Variants in KIAA0825 observed in about 807,000 individuals in gnomAD.
KIAA0825 encodes the protein uncharacterized protein KIAA0825.
KIAA0825 carries 119 observed loss-of-function variants against 147.6 expected under a neutral mutation model. The ratio of observed to expected loss-of-function variants is 0.81; its 90% CI spans 0.69 to 0.94. KIAA0825 has a LOEUF of 0.94. Among genes scored for constraint, KIAA0825 ranks in the 40% least tolerant of loss-of-function variants. The probability of loss-of-function intolerance (pLI) is 0.00; values close to 1 mark genes in which losing one functional copy is unlikely to be tolerated. For synonymous variants in KIAA0825, 470 were observed against 518.1 expected, an observed-to-expected ratio of 0.91 and a Z score of 1.26; for missense variants, 1,381 against 1,472.7, an observed-to-expected ratio of 0.94 and a Z score of 1.02.
At chr5:94,426,763 C>T (rs556618816) in intron 14 of KIAA0825, among the ~76,000 whole-genome samples, 1 of 152,078 alleles carries the variant, frequency 6.6e-6, no homozygotes, top group East Asian at 1.9e-4. Flanking sequence ...TGATGGACAC[C>T]CCAAATTCCC....
chr5:94,252,017 G>A (rs1775988442), intron 20 of KIAA0825, among the ~76,000 whole-genome samples: 2 of 151,930 alleles, frequency 1.3e-5, no homozygotes. Context: ...AATATATTCT[G>A]TATAATATAA....
intron 14 of KIAA0825, among the ~76,000 whole-genome samples, chr5:94,428,060 T>C (rs1755127557): frequency 6.6e-6 from 1 of 152,154 alleles, no homozygotes; most frequent in African/African-American, 2.4e-5. Context: ...AAGCTATATC[T>C]TTCTCCAACA....
intron 20 of KIAA0825, among the ~76,000 whole-genome samples, chr5:94,234,567 T>C (rs1246360755): frequency 6.6e-6 from 1 of 152,190 alleles, no homozygotes; most frequent in African/African-American, 2.4e-5. Flanking sequence ...GGATGCATGA[T>C]GCTGGCATCT....
intron 5 of KIAA0825, among the ~76,000 whole-genome samples, chr5:94,506,819 T>C (rs1765790029): frequency 6.6e-6 from 1 of 152,192 alleles, no homozygotes; most frequent in African/African-American, 2.4e-5. Context: ...GCAGTTCTGG[T>C]CTAGTTTCTA....
intron 15 of KIAA0825, among the ~76,000 whole-genome samples, chr5:94,406,264 G>C (rs1316737335): frequency 6.6e-6 from 1 of 152,038 alleles, no homozygotes; most frequent in Non-Finnish European, 1.5e-5. Flanking sequence ...AAAGTGTTGG[G>C]GCACTTTAAC....
chr5:94,496,892 T>C (rs2151097315), intron 5 of KIAA0825, among the ~76,000 whole-genome samples: 1 of 152,276 alleles, frequency 6.6e-6, no homozygotes, highest in Non-Finnish European at 1.5e-5. Context: ...GCGGTTTTCC[T>C]GTCCAGCCCA....
At chr5:94,552,540 T>C (rs1481023391) in intron 2 of KIAA0825, among the ~76,000 whole-genome samples, 4 of 152,184 alleles carry the variant, frequency 2.6e-5, no homozygotes, top group Admixed American at 2.0e-4. Context: ...ATTTTAATAA[T>C]TGAAATCTTA....
chr5:94,541,358 T>C (rs1055966457), intron 2 of KIAA0825, among the ~76,000 whole-genome samples: 7 of 152,224 alleles, frequency 4.6e-5, no homozygotes, highest in East Asian at 1.9e-4. Flanking sequence ...ATTGAGACTA[T>C]TGAAAAACAG....
At chr5:94,222,984 A>C (rs1418164173) in intron 20 of KIAA0825, among the ~76,000 whole-genome samples, 2 of 152,106 alleles carry the variant, frequency 1.3e-5, no homozygotes, top group Non-Finnish European at 2.9e-5. Context: ...TTCTTAGCAA[A>C]AAATCCCAAA....
intron 1 of KIAA0825, among the ~76,000 whole-genome samples, chr5:94,592,090 T>C (rs1211301543): frequency 2.0e-5 from 3 of 152,120 alleles, no homozygotes; most frequent in Non-Finnish European, 4.4e-5. Context: ...AAATCTCATG[T>C]CCTCACATTT....
In KIAA0825 at chr5:94,303,856, C is replaced by G. The variant is rs1345349784; in HGVS notation, c.3710+80512G>C. Among the ~76,000 whole-genome samples, 3 of 152,166 alleles carry G rather than the reference C, an allele frequency of 2.0e-5. No individual in the cohort carries two copies. In the East Asian group the frequency reaches 5.8e-4, roughly 29 times the overall value. ...AGGAGTTCCCAAGGTGTGCCACACA[C>G]TCAAGTCACCATGGTGAGGCCTGGC... On this transcript the variant is annotated intron_variant, in intron 20 of 20. Transcript: ENST00000682413.
At chr5:94,258,607 TGCA>T (rs1324761432) in intron 20 of KIAA0825, among the ~76,000 whole-genome samples, 1 of 152,022 alleles carries the variant, frequency 6.6e-6, no homozygotes, top group African/African-American at 2.4e-5. Flanking sequence ...TAGAAGTAAA[TGCA>T]ATTTTAGTGA....
intron 1 of KIAA0825, among the ~76,000 whole-genome samples, chr5:94,605,908 G>T (rs1787403888): frequency 6.6e-6 from 1 of 152,134 alleles, no homozygotes; most frequent in South Asian, 2.1e-4. Context: ...AAAAGTCCTA[G>T]CCAGAGCAAT....
At chr5:94,533,277 CTTTTT>C (rs780139022) in intron 3 of KIAA0825, among the ~76,000 whole-genome samples, 1 of 124,398 alleles carries the variant, frequency 8.0e-6, no homozygotes, top group Admixed American at 8.5e-5. Flanking sequence ...TGTGCCCGGC[CTTTTT>C]TTTTTTTTTT....
At chr5:94,230,694 T>G (rs1774613681) in intron 20 of KIAA0825, among the ~76,000 whole-genome samples, 1 of 152,166 alleles carries the variant, frequency 6.6e-6, no homozygotes, top group Admixed American at 6.5e-5. Flanking sequence ...CAATGAACTT[T>G]AAAGATTATT....
At chr5:94,205,518 C>G (rs1034139775) in intron 20 of KIAA0825, among the ~76,000 whole-genome samples, 1 of 151,878 alleles carries the variant, frequency 6.6e-6, no homozygotes. Flanking sequence ...GTCTCGATCT[C>G]CTGACCTCGT....
At chr5:94,525,709 G>C (rs984310024) in intron 3 of KIAA0825, among the ~76,000 whole-genome samples, 6 of 151,916 alleles carry the variant, frequency 3.9e-5, no homozygotes, top group Non-Finnish European at 8.8e-5. Context: ...TTACAGCAAT[G>C]TGAATTGGAA....
chr5:94,405,453 T>C (rs899778985), intron 15 of KIAA0825, among the ~76,000 whole-genome samples: 4 of 152,186 alleles, frequency 2.6e-5, no homozygotes, highest in African/African-American at 9.7e-5. Flanking sequence ...ATTATTCTAT[T>C]AATATATTTA....
chr5:94,564,713 T>C (rs1187733727), intron 2 of KIAA0825, among the ~76,000 whole-genome samples: 1 of 152,024 alleles, frequency 6.6e-6, no homozygotes, highest in Non-Finnish European at 1.5e-5. Context: ...CTACTACTTG[T>C]TACAAGAGTA....
Sources: gnomAD v4.1 joint callset for allele counts (sites outside exome capture counted in the v4.1 genomes callset) on GRCh38, gnomAD v4.1.1 for gene constraint, MANE v1.5 for transcripts, NCBI Gene and HGNC (gene_info 2026-07-23, HGNC 2026-07-21) for gene names.